Variants in CSMD1 observed in about 807,000 individuals in gnomAD.
The protein encoded by CSMD1 is CUB and sushi domain-containing protein 1.
CSMD1 carries 213 observed loss-of-function variants against 417.5 expected under a neutral mutation model. The observed-to-expected ratio is 0.51, with a 90% confidence interval of 0.46 to 0.57. The LOEUF (loss-of-function observed/expected upper bound fraction) is 0.57. Ranked by LOEUF, CSMD1 falls within the 20% of genes least tolerant of loss-of-function variation. CSMD1 has a pLI of 0.00. For synonymous variants in CSMD1, 2,862 were observed against 1,736.8 expected (o/e 1.65, Z -16.11); for missense variants, 6,923 against 4,529.7 (o/e 1.53, Z -15.17).
At chr8:3,839,464 A>G (rs1404396231) in intron 5 of CSMD1, among the ~76,000 whole-genome samples, 1 of 125,038 alleles carries the variant, frequency 8.0e-6, no homozygotes, top group African/African-American at 3.0e-5. Context: ...AATATATTAT[A>G]TATTATATAA....
chr8:2,935,923 G>C lies in CSMD1; in HGVS notation c.*2662C>G, dbSNP rs1801425409. On this transcript the variant is annotated 3_prime_UTR_variant, in exon 70 of 70. Transcript: ENST00000635120. ...AGTTTTAAACAGCTCTGAAGCACGTGTCCTCTGTTAGTGTGTGGTCGCGTC... is the reference window on the plus strand; with the variant it reads ...AGTTTTAAACAGCTCTGAAGCACGTCTCCTCTGTTAGTGTGTGGTCGCGTC... 2 of 152,232 alleles carry C rather than the reference G, an allele frequency of 1.3e-5. No homozygotes were observed. The highest frequency in any genetic ancestry group is 4.8e-5 in the African/African-American group (2 of 41,466). 9.4% of individuals were successfully genotyped at this position (152,232 alleles called of 1,614,324 possible).
At chr8:3,953,844 G>T (rs948325169) in intron 5 of CSMD1, among the ~76,000 whole-genome samples, 1 of 152,252 alleles carries the variant, frequency 6.6e-6, no homozygotes, top group African/African-American at 2.4e-5. Context: ...TTCCTAGAGA[G>T]CCTAATGTTC....
intron 5 of CSMD1, among the ~76,000 whole-genome samples, chr8:3,864,941 G>T (rs1009616135): frequency 6.6e-6 from 1 of 152,156 alleles, no homozygotes. Context: ...TTCTGTTCTG[G>T]GTGAACGAGC....
chr8:4,005,338 T>A (rs900930119), intron 4 of CSMD1, among the ~76,000 whole-genome samples: 3 of 152,158 alleles, frequency 2.0e-5, no homozygotes, highest in African/African-American at 7.2e-5. Context: ...TCATTGTACT[T>A]GCAGAAAACG....
intron 3 of CSMD1, among the ~76,000 whole-genome samples, chr8:4,166,897 A>C (rs1270995735): frequency 6.6e-6 from 1 of 152,246 alleles, no homozygotes; most frequent in African/African-American, 2.4e-5. Flanking sequence ...CCTTAGCAGC[A>C]GCAGCCTCAT....
chr8:4,283,416 C>T (rs531451072), intron 3 of CSMD1, among the ~76,000 whole-genome samples: 1 of 152,298 alleles, frequency 6.6e-6, no homozygotes, highest in South Asian at 2.1e-4. Context: ...AGAACACATT[C>T]TTTTCATCTG....
chr8:3,775,966 C>A (rs1310321813), intron 5 of CSMD1, among the ~76,000 whole-genome samples: 1 of 152,214 alleles, frequency 6.6e-6, no homozygotes, highest in Non-Finnish European at 1.5e-5. Flanking sequence ...AAATTCATGT[C>A]ATCAGCCCAG....
At chr8:4,129,467 T>G (rs1206456672) in intron 3 of CSMD1, among the ~76,000 whole-genome samples, 8 of 152,146 alleles carry the variant, frequency 5.3e-5, no homozygotes, top group Non-Finnish European at 8.8e-5. Flanking sequence ...AGATAAAAAT[T>G]GTGAAGTTTT....
intron 3 of CSMD1, among the ~76,000 whole-genome samples, chr8:4,102,206 T>A (rs17332560): frequency 6.6e-6 from 1 of 152,174 alleles, no homozygotes; most frequent in African/African-American, 2.4e-5. Context: ...GTCTCTTTTG[T>A]AATTTAGGAC....
intron 2 of CSMD1, among the ~76,000 whole-genome samples, chr8:4,615,956 G>C (rs1801450640): frequency 6.6e-6 from 1 of 152,130 alleles, no homozygotes; most frequent in Non-Finnish European, 1.5e-5. Context: ...AATCTAGCCA[G>C]AATCTTTTTC....
intron 1 of CSMD1, among the ~76,000 whole-genome samples, chr8:4,881,440 T>TATCG (rs1483442335): frequency 2.1e-5 from 1 of 46,704 alleles, no homozygotes; most frequent in Non-Finnish European, 6.5e-5. Flanking sequence ...TCTATCTATC[T>TATCG]ATCTATCTAT....
chr8:3,561,549 A>C (rs1438925282), intron 10 of CSMD1, among the ~76,000 whole-genome samples: 3 of 152,202 alleles, frequency 2.0e-5, no homozygotes, highest in Non-Finnish European at 4.4e-5. Flanking sequence ...CATGTTCTCG[A>C]TTATAAATGG....
intron 5 of CSMD1, among the ~76,000 whole-genome samples, chr8:3,951,355 A>G (rs1811587307): frequency 6.6e-6 from 1 of 152,200 alleles, no homozygotes; most frequent in Admixed American, 6.5e-5. Flanking sequence ...CGGAGCAGGA[A>G]TTCAAGAATT....
intron 7 of CSMD1, among the ~76,000 whole-genome samples, chr8:3,693,808 G>A (rs900470980): frequency 6.6e-6 from 1 of 151,316 alleles, no homozygotes; most frequent in Non-Finnish European, 1.5e-5. Context: ...GTGTGTGTGT[G>A]TGTTGTGTTT....
intron 3 of CSMD1, among the ~76,000 whole-genome samples, chr8:4,206,545 A>G (rs888779656): frequency 1.3e-5 from 2 of 152,274 alleles, no homozygotes; most frequent in East Asian, 1.9e-4. Context: ...CTAGTATTCC[A>G]TGGTGTATAT....
chr8:3,287,127 T>C (rs1011619996), intron 25 of CSMD1, among the ~76,000 whole-genome samples: 1 of 151,622 alleles, frequency 6.6e-6, no homozygotes, highest in African/African-American at 2.4e-5. Flanking sequence ...AAAGATCAGA[T>C]AGTTGTAGAT....
At chr8:3,889,577 ATG>A (rs1806815106) in intron 5 of CSMD1, among the ~76,000 whole-genome samples, 1 of 146,420 alleles carries the variant, frequency 6.8e-6, no homozygotes, top group African/African-American at 2.5e-5. Flanking sequence ...GTGTATGTGT[ATG>A]TATACATATA....
rs149490227 is a variant in CSMD1, at chr8:3,907,245, T to C, written c.818+90658A>G. Among the ~76,000 whole-genome samples, 285 of 152,348 alleles carry C rather than the reference T, an allele frequency of 1.9e-3. 2 individuals carry two copies. The highest frequency in any genetic ancestry group is 6.8e-3 in the Middle Eastern group (2 of 294). On this transcript the variant is annotated intron_variant, in intron 5 of 69. Coordinates refer to ENST00000635120, the MANE Select transcript of CSMD1 (RefSeq NM_033225.6). Reference sequence around the variant, plus strand: ...AATTTCTTGGAAAAGTGGAAAAATATATTCAATTTGATCGTAAGTCTTTAC... The same window carrying C: ...AATTTCTTGGAAAAGTGGAAAAATACATTCAATTTGATCGTAAGTCTTTAC...
rs543727863 is a variant in CSMD1, at chr8:3,208,008, G to A, written c.4868-2388C>T. On this transcript the variant is annotated intron_variant, in intron 30 of 69. Transcript: ENST00000635120. ...ATATTTCTCTCCACCTTAACCATGT[G>A]AAGTCAACCAGGTTATGTCAGACCT... Among the ~76,000 whole-genome samples, 23 of 152,234 alleles carry A rather than the reference G, an allele frequency of 1.5e-4. No individual in the cohort carries two copies. In the Middle Eastern group the frequency reaches 0.014, roughly 90 times the overall value.
Sources: gnomAD v4.1 joint callset for allele counts (sites outside exome capture counted in the v4.1 genomes callset) on GRCh38, gnomAD v4.1.1 for gene constraint, MANE v1.5 for transcripts, NCBI Gene and HGNC (gene_info 2026-07-23, HGNC 2026-07-21) for gene names.